The following MVB12B variants were observed in gnomAD, a reference collection of about 807,000 sequenced individuals.
The protein encoded by MVB12B is multivesicular body subunit 12B, also known as ESCRT-I complex subunit MVB12B.
MVB12B carries 16 observed loss-of-function variants against 41.6 expected under a neutral mutation model. The ratio of observed to expected loss-of-function variants is 0.38; its 90% CI spans 0.26 to 0.58. The LOEUF (loss-of-function observed/expected upper bound fraction) is 0.58, where lower values mean the gene tolerates loss of function less well. Among genes scored for constraint, MVB12B ranks in the 20% least tolerant of loss-of-function variants. The pLI, the probability that MVB12B is intolerant of heterozygous loss-of-function variation, is 0.62. For missense variants in MVB12B, 274 were observed against 380.2 expected, an observed-to-expected ratio of 0.72 and a Z score of 2.32; for synonymous variants, 133 against 139.7, an observed-to-expected ratio of 0.95 and a Z score of 0.34.
intron 6 of MVB12B, among the ~76,000 whole-genome samples, chr9:126,409,718 G>T (rs1346411338): frequency 6.6e-6 from 1 of 152,240 alleles, no homozygotes; most frequent in African/African-American, 2.4e-5. Flanking sequence ...CCCCTGCGGA[G>T]CTGGGACTAG....
chr9:126,423,694 G>A (rs1037286890), intron 7 of MVB12B, among the ~76,000 whole-genome samples: 6 of 152,152 alleles, frequency 3.9e-5, no homozygotes. Flanking sequence ...GGACCTGCTG[G>A]CTCCATAAGG....
intron 7 of MVB12B, among the ~76,000 whole-genome samples, chr9:126,458,042 C>T (rs1833019437): frequency 6.6e-6 from 1 of 152,188 alleles, no homozygotes; most frequent in African/African-American, 2.4e-5. Context: ...TGGACCCCAC[C>T]GTCAGTAGCC....
chr9:126,375,077 T>G (rs1310838389), intron 2 of MVB12B, among the ~76,000 whole-genome samples: 6 of 152,202 alleles, frequency 3.9e-5, no homozygotes, highest in Non-Finnish European at 7.3e-5. Context: ...AGTAATTTTA[T>G]TATATTGCTT....
At chr9:126,479,398 C>T (rs1044105773) in intron 7 of MVB12B, among the ~76,000 whole-genome samples, 1 of 152,172 alleles carries the variant, frequency 6.6e-6, no homozygotes, top group African/African-American at 2.4e-5. Flanking sequence ...CTCTAGAAGG[C>T]TTTGTGGCTC....
chr9:126,344,047 T>TAA (rs80127150), intron 2 of MVB12B, among the ~76,000 whole-genome samples: 10,153 of 128,688 alleles, frequency 0.079, 470 homozygotes, highest in Middle Eastern at 0.17. Context: ...CTTTTCTTGG[T>TAA]AAAAAAAAAA....
chr9:126,398,384 C>G (rs1275926573), intron 6 of MVB12B, among the ~76,000 whole-genome samples: 3 of 151,968 alleles, frequency 2.0e-5, no homozygotes, highest in Non-Finnish European at 4.4e-5. Flanking sequence ...TTTCCTATGG[C>G]GAGAGTAATC....
intron 9 of MVB12B, among the ~76,000 whole-genome samples, chr9:126,487,027 A>G (rs1353560459): frequency 6.6e-6 from 1 of 152,130 alleles, no homozygotes; most frequent in East Asian, 1.9e-4. Flanking sequence ...ATTCATTACA[A>G]TGTAGTGTCT....
intron 5 of MVB12B, among the ~76,000 whole-genome samples, chr9:126,393,045 G>A (rs1831004869): frequency 6.6e-6 from 1 of 152,170 alleles, no homozygotes; most frequent in Non-Finnish European, 1.5e-5. Flanking sequence ...TGAGGCCTGG[G>A]CCCGTTTGTG....
At position 126,462,365 on chromosome 9, in the gene MVB12B, G is replaced by T. The variant is rs376124253; in HGVS notation, c.758-19004G>T. ...GCCGAAGTGTCACATTTCCGTGCCC[G>T]CATGAGGTTCAGTGTTAAAAGTTCC... On this transcript the variant is annotated intron_variant, in intron 7 of 9. Transcript: ENST00000361171. Among the ~76,000 whole-genome samples, 8 of 152,288 alleles carry T rather than the reference G, an allele frequency of 5.3e-5. No homozygotes were observed. The East Asian group carries it at 1.3e-3, about 26-fold the overall frequency.
intron 8 of MVB12B, among the ~76,000 whole-genome samples, chr9:126,482,175 C>T (rs1833537114): frequency 1.6e-5 from 2 of 123,976 alleles, no homozygotes; most frequent in Admixed American, 8.2e-5. Context: ...GGCGCCAGCC[C>T]CCAAGGTGGC....
intron 6 of MVB12B, among the ~76,000 whole-genome samples, chr9:126,421,646 G>A (rs1204485331): frequency 6.6e-6 from 1 of 152,106 alleles, no homozygotes; most frequent in African/African-American, 2.4e-5. Flanking sequence ...AAAAAATGTG[G>A]CTGCTGATGT....
At chr9:126,484,354 G>A (rs1456055117) in intron 9 of MVB12B, among the ~76,000 whole-genome samples, 2 of 152,214 alleles carry the variant, frequency 1.3e-5, no homozygotes, top group Non-Finnish European at 2.9e-5. Context: ...TGGAGGACAG[G>A]CACCAGGTTG....
At chr9:126,365,118 A>G (rs886534152) in intron 2 of MVB12B, among the ~76,000 whole-genome samples, 8 of 150,184 alleles carry the variant, frequency 5.3e-5, no homozygotes, top group Non-Finnish European at 7.4e-5. Context: ...CAGTGGTGCA[A>G]TCTTGGCTCA....
intron 7 of MVB12B, among the ~76,000 whole-genome samples, chr9:126,477,370 A>G (rs1265070436): frequency 1.3e-5 from 2 of 152,236 alleles, no homozygotes; most frequent in African/African-American, 2.4e-5. Flanking sequence ...ATGTCAATAT[A>G]TGTACAAAAA....
intron 9 of MVB12B, among the ~76,000 whole-genome samples, chr9:126,496,186 CACCCACCCACCCACCT>C (rs1442830925): frequency 7.1e-6 from 1 of 140,960 alleles, no homozygotes; most frequent in Non-Finnish European, 1.5e-5. Context: ...TCGACTTGTC[CACCCACCCACCCACCT>C]ACCCACCCGT....
chr9:126,394,238 G>A (rs1831042049), intron 5 of MVB12B, among the ~76,000 whole-genome samples: 2 of 152,162 alleles, frequency 1.3e-5, no homozygotes, highest in East Asian at 1.9e-4. Context: ...ACATACAAAT[G>A]GCAGAAACCA....
intron 7 of MVB12B, among the ~76,000 whole-genome samples, chr9:126,453,983 T>A (rs1336245317): frequency 6.6e-6 from 1 of 152,118 alleles, no homozygotes; most frequent in Non-Finnish European, 1.5e-5. Context: ...AGGGAAAGTC[T>A]AAGTGAGAAA....
intron 2 of MVB12B, among the ~76,000 whole-genome samples, chr9:126,350,190 T>G (rs1475598442): frequency 2.0e-5 from 3 of 151,694 alleles, no homozygotes; most frequent in South Asian, 4.2e-4. Context: ...GGATTGTTTG[T>G]TTTTTTTACT....
At chr9:126,369,645 T>G (rs565556488) in intron 2 of MVB12B, among the ~76,000 whole-genome samples, 2 of 151,446 alleles carry the variant, frequency 1.3e-5, no homozygotes, top group East Asian at 1.9e-4. Flanking sequence ...TTCACGTGGG[T>G]TTTTTTTTGT....
Sources: gnomAD v4.1 joint callset for allele counts (sites outside exome capture counted in the v4.1 genomes callset) on GRCh38, gnomAD v4.1.1 for gene constraint, MANE v1.5 for transcripts, NCBI Gene and HGNC (gene_info 2026-07-23, HGNC 2026-07-21) for gene names.